The following DPP6 variants were observed in gnomAD, a reference collection of about 807,000 sequenced individuals.
The protein encoded by DPP6 is dipeptidyl peptidase like 6.
A neutral mutation model predicts 122.6 loss-of-function variants in DPP6; 69 were observed. The ratio of observed to expected loss-of-function variants is 0.56; its 90% CI spans 0.46 to 0.69. The LOEUF (loss-of-function observed/expected upper bound fraction) is 0.69. Ranked by LOEUF, DPP6 falls within the 30% of genes least tolerant of loss-of-function variation. The probability of loss-of-function intolerance (pLI) is 0.00; values close to 1 mark genes in which losing one functional copy is unlikely to be tolerated. For synonymous variants in DPP6, 418 were observed against 433.1 expected (o/e 0.97, Z 0.43); for missense variants, 928 against 1,116.9 (o/e 0.83, Z 2.41).
At chr7:154,790,701 T>C (rs1269218253) in intron 10 of DPP6, among the ~76,000 whole-genome samples, 1 of 151,894 alleles carries the variant, frequency 6.6e-6, no homozygotes, top group African/African-American at 2.4e-5. Context: ...AACCCAGGGA[T>C]GAGCCACGAG....
At position 154,130,684 on chromosome 7, in the gene DPP6, G is replaced by A. The variant is rs548023802; in HGVS notation, c.243+77621G>A. ...ACAGTGGCCCTGCCTCAGATCTCAC[G>A]TCAGATGGGGGCGGGTGGGGAGGAC... On this transcript the variant is annotated intron_variant, in intron 1 of 25. Transcript: ENST00000377770. Among the ~76,000 whole-genome samples, 683 of 151,874 alleles carry A rather than the reference G, an allele frequency of 4.5e-3. 4 individuals carry two copies. The highest frequency in any genetic ancestry group is 0.014 in the African/African-American group (576 of 41,206).
intron 1 of DPP6, among the ~76,000 whole-genome samples, chr7:154,316,527 C>G (rs1807443398): frequency 6.6e-6 from 1 of 152,170 alleles, no homozygotes; most frequent in African/African-American, 2.4e-5. Flanking sequence ...ATTGAACCAC[C>G]TTCTCCGATG....
rs565006967 is a variant in DPP6, at chr7:154,343,987, A to G, written c.244-102227A>G. Among the ~76,000 whole-genome samples the G allele has an allele frequency of 7.9e-5, 12 of 152,098 alleles. 1 individual carries two copies. The highest frequency in any genetic ancestry group is 1.8e-4 in the Non-Finnish European group (12 of 68,036). The stretch of plus-strand genomic sequence containing the variant: ...AGCCTCAGCCTCCGAAAGTGCTCGG[A>G]TTATAGGCGTGAGCCACCGTGCCCC... On this transcript the variant is annotated intron_variant, in intron 1 of 25. Coordinates refer to ENST00000377770, the MANE Select transcript of DPP6 (RefSeq NM_130797.4).
intron 3 of DPP6, among the ~76,000 whole-genome samples, chr7:154,479,296 G>T (rs373298254): frequency 6.6e-6 from 1 of 152,064 alleles, no homozygotes; most frequent in Non-Finnish European, 1.5e-5. Context: ...GGTGGCTCAC[G>T]CCTGTAATCC....
At position 154,782,981 on chromosome 7, in the gene DPP6, A is replaced by C. The variant is rs956667524; in HGVS notation, c.1136+10039A>C. On this transcript the variant is annotated intron_variant, in intron 10 of 25. Coordinates refer to ENST00000377770, the MANE Select transcript of DPP6 (RefSeq NM_130797.4). ...GTATATTTAGTAGAGACGGGGTTCC[A>C]CCATGCTGGCCAGGCTGGTCTCGAA... 1.4e-4 allele frequency among the ~76,000 whole-genome samples: 21 copies of C among 151,938 alleles called. 1 individual carries two copies. Among genetic ancestry groups the C allele is most frequent in the Non-Finnish European group, 2.8e-4 (19 of 67,988 alleles).
At chr7:153,967,856 T>G (rs1225737135) in intron 1 of DPP6, among the ~76,000 whole-genome samples, 1 of 151,978 alleles carries the variant, frequency 6.6e-6, no homozygotes, top group African/African-American at 2.4e-5. Flanking sequence ...GAAAAACAGC[T>G]GAGTTAGTGA....
At chr7:153,857,328 C>CTCTCTA in the DPP6 span, among the ~76,000 whole-genome samples, 1 of 131,170 alleles carries the variant, frequency 7.6e-6, no homozygotes, top group Admixed American at 7.9e-5. Context: ...GGTTTTCTCT[C>CTCTCTA]TCTCTCTCTC....
chr7:154,613,906 A>G (rs1019113133), intron 5 of DPP6, among the ~76,000 whole-genome samples: 1 of 152,158 alleles, frequency 6.6e-6, no homozygotes, highest in Non-Finnish European at 1.5e-5. Context: ...ATGCAACCAC[A>G]TGGCCAGCCA....
chr7:153,823,327 T>A, the DPP6 span, among the ~76,000 whole-genome samples: 1 of 151,420 alleles, frequency 6.6e-6, no homozygotes, highest in South Asian at 2.1e-4. Flanking sequence ...CTCCTTCTCT[T>A]CCAGAAGCCT....
At chr7:154,117,115 C>T (rs1254909824) in intron 1 of DPP6, among the ~76,000 whole-genome samples, 3 of 151,744 alleles carry the variant, frequency 2.0e-5, no homozygotes, top group African/African-American at 7.3e-5. Context: ...TGATCTAGTG[C>T]ACATATTTCC....
chr7:154,887,964 G>T (rs897973907), intron 23 of DPP6, among the ~76,000 whole-genome samples: 24 of 152,144 alleles, frequency 1.6e-4, no homozygotes, highest in African/African-American at 5.6e-4. Context: ...GGACTTGAGG[G>T]ATGAGGAAGA....
rs1056656981 is a variant in DPP6 at position 153,925,210 on chromosome 7, G to A, written c.51+37476G>A. ...AGGTTCTGATGAAGGGAGACCATCC[G>A]CATAGTAGAAGGTCCCCAAGATTCT... On this transcript the variant is annotated intron_variant, in intron 1 of 25. Coordinates refer to the DPP6 transcript ENST00000404039. Among the ~76,000 whole-genome samples, 4 of 152,194 alleles carry A rather than the reference G, an allele frequency of 2.6e-5. No individual in the cohort carries two copies. The South Asian group carries it at 8.3e-4, about 32-fold the overall frequency.
intron 1 of DPP6, among the ~76,000 whole-genome samples, chr7:154,144,713 G>A (rs1437241212): frequency 6.6e-6 from 1 of 151,510 alleles, no homozygotes; most frequent in East Asian, 1.9e-4. Context: ...AAGATAAGGC[G>A]TTTTTTTAGG....
intron 19 of DPP6, among the ~76,000 whole-genome samples, chr7:154,873,417 G>A (rs367991300): frequency 1.3e-5 from 2 of 152,146 alleles, no homozygotes; most frequent in East Asian, 3.9e-4. Context: ...CAAGACCACG[G>A]AGCAGGAGAA....
intron 1 of DPP6, among the ~76,000 whole-genome samples, chr7:154,008,380 C>G (rs902169446): frequency 2.0e-5 from 3 of 152,260 alleles, no homozygotes; most frequent in African/African-American, 7.2e-5. Flanking sequence ...ACTTTTTCCA[C>G]TACAAGATAT....
chr7:154,713,207 T>C (rs1205151321), intron 7 of DPP6, among the ~76,000 whole-genome samples: 4 of 152,266 alleles, frequency 2.6e-5, no homozygotes, highest in Non-Finnish European at 5.9e-5. Context: ...AGCTCTGCCC[T>C]TGTGGCTTTA....
intron 7 of DPP6, among the ~76,000 whole-genome samples, chr7:154,687,224 G>C (rs71534157): frequency 0.045 from 6,871 of 152,214 alleles, 212 homozygotes; most frequent in African/African-American, 0.083. Flanking sequence ...TATCTTGTAT[G>C]AACATGTGGA....
chr7:154,814,457 C>T (rs1199057311), intron 16 of DPP6, among the ~76,000 whole-genome samples: 7 of 152,266 alleles, frequency 4.6e-5, no homozygotes, highest in East Asian at 1.9e-4. Flanking sequence ...CGCAGACCAA[C>T]GCCTGTGACA....
chr7:154,472,467 T>A (rs996557392), intron 2 of DPP6, among the ~76,000 whole-genome samples: 1 of 151,428 alleles, frequency 6.6e-6, no homozygotes, highest in African/African-American at 2.4e-5. Flanking sequence ...AATCAATCCC[T>A]CCCACTTTCT....
Sources: allele counts gnomAD v4.1 joint callset (sites outside exome capture counted in the v4.1 genomes callset), GRCh38; gene constraint gnomAD v4.1.1; transcripts MANE v1.5; gene names NCBI Gene and HGNC (gene_info 2026-07-23, HGNC 2026-07-21).